The following ZNF385D variants were observed in gnomAD, a reference collection of about 807,000 sequenced individuals.
The protein encoded by ZNF385D is zinc finger protein 659.
ZNF385D carries 15 observed loss-of-function variants against 35.8 expected under a neutral mutation model. The ratio of observed to expected loss-of-function variants is 0.42; its 90% CI spans 0.28 to 0.64. ZNF385D has a LOEUF of 0.64. Among genes scored for constraint, ZNF385D ranks in the 30% least tolerant of loss-of-function variants. The pLI is 0.23. For synonymous variants in ZNF385D, 212 were observed against 186.8 expected, an observed-to-expected ratio of 1.13 and a Z score of -1.10; for missense variants, 474 against 494.6, an observed-to-expected ratio of 0.96 and a Z score of 0.39.
intron 3 of ZNF385D, among the ~76,000 whole-genome samples, chr3:21,979,102 T>C (rs1694249254): frequency 6.6e-6 from 1 of 152,148 alleles, no homozygotes; most frequent in South Asian, 2.1e-4. Flanking sequence ...TGCCAATTTT[T>C]TTTCAATGGT....
Position 21,778,610 on chromosome 3 carries a change from C to G in ZNF385D, c.326-113582G>C, listed in dbSNP as rs1298761610. 2.0e-5 allele frequency among the ~76,000 whole-genome samples: 3 copies of G among 152,020 alleles called. No individual in the cohort carries two copies. In the East Asian group the frequency reaches 5.8e-4, roughly 30 times the overall value. ...AATATACACATATATATATACCTGTCTCAACTGAGGCAGAAAAATCACATC... is the reference window on the plus strand; with the variant it reads ...AATATACACATATATATATACCTGTGTCAACTGAGGCAGAAAAATCACATC... On this transcript the variant is annotated intron_variant, in intron 3 of 5. Coordinates refer to the ZNF385D transcript ENST00000494108.
intron 3 of ZNF385D, among the ~76,000 whole-genome samples, chr3:22,096,973 T>C (rs1189398772): frequency 6.6e-6 from 1 of 152,054 alleles, no homozygotes; most frequent in African/African-American, 2.4e-5. Context: ...TCCTATCTCT[T>C]AGGATATTCA....
intron 1 of ZNF385D, among the ~76,000 whole-genome samples, chr3:21,725,202 T>G (rs997752240): frequency 1.6e-4 from 24 of 152,094 alleles, no homozygotes; most frequent in African/African-American, 5.8e-4. Flanking sequence ...GGGAAATTTA[T>G]AGCACTAGAA....
At chr3:22,147,133 T>G (rs543371202) in intron 3 of ZNF385D, among the ~76,000 whole-genome samples, 1 of 152,292 alleles carries the variant, frequency 6.6e-6, no homozygotes, top group South Asian at 2.1e-4. Flanking sequence ...AATAAATAAT[T>G]TAGAACAAGT....
intron 3 of ZNF385D, among the ~76,000 whole-genome samples, chr3:22,105,581 G>T (rs1276602992): frequency 6.6e-6 from 1 of 152,120 alleles, no homozygotes; most frequent in East Asian, 1.9e-4. Flanking sequence ...AAGCCAGAGA[G>T]CTGATGGTGT....
At chr3:21,749,503 T>C (rs2069953996) in intron 1 of ZNF385D, among the ~76,000 whole-genome samples, 1 of 152,232 alleles carries the variant, frequency 6.6e-6, no homozygotes, top group South Asian at 2.1e-4. Flanking sequence ...AGACCTATTA[T>C]CTTTACAAGC....
In ZNF385D at chr3:21,819,678, TTATC is replaced by T. The variant is rs1425354084; in HGVS notation, c.326-154654_326-154651del. ...ATTTATGTGTATTAATTATATATAA[TTATC>T]TATGTGTACGTGTGTATATATATAC... On this transcript the variant is annotated intron_variant, in intron 3 of 5. Coordinates refer to the ZNF385D transcript ENST00000494108. 9.5e-5 allele frequency among the ~76,000 whole-genome samples: 14 copies of T among 146,602 alleles called. No homozygotes were observed. In the South Asian group the frequency reaches 1.3e-3, roughly 13 times the overall value.
At chr3:21,723,893 C>A (rs1356627256) in intron 1 of ZNF385D, among the ~76,000 whole-genome samples, 1 of 151,978 alleles carries the variant, frequency 6.6e-6, no homozygotes, top group Non-Finnish European at 1.5e-5. Context: ...TTAAGGGCAG[C>A]CAGAGAGAAA....
At chr3:21,453,425 A>T (rs1702591890) in intron 4 of ZNF385D, among the ~76,000 whole-genome samples, 1 of 152,020 alleles carries the variant, frequency 6.6e-6, no homozygotes, top group South Asian at 2.1e-4. Context: ...AAAAAGTGAG[A>T]AAACAATCCA....
chr3:21,665,809 G>A (rs1204173773), intron 1 of ZNF385D, among the ~76,000 whole-genome samples: 1 of 152,182 alleles, frequency 6.6e-6, no homozygotes, highest in Non-Finnish European at 1.5e-5. Context: ...CCACACTCAG[G>A]AGCTGGAAGG....
intron 3 of ZNF385D, among the ~76,000 whole-genome samples, chr3:22,166,213 T>C (rs1446874135): frequency 1.6e-5 from 2 of 127,712 alleles, no homozygotes; most frequent in Non-Finnish European, 1.9e-5. Flanking sequence ...TAATGAGAGG[T>C]CACTGAAAAT....
At chr3:21,710,183 A>G (rs2068048873) in intron 1 of ZNF385D, among the ~76,000 whole-genome samples, 1 of 152,182 alleles carries the variant, frequency 6.6e-6, no homozygotes, top group Non-Finnish European at 1.5e-5. Flanking sequence ...TTTGGGGGAG[A>G]AAATGGAACA....
chr3:22,316,074 C>G (rs994028440), intron 2 of ZNF385D, among the ~76,000 whole-genome samples: 3 of 152,194 alleles, frequency 2.0e-5, no homozygotes, highest in African/African-American at 7.2e-5. Context: ...TGACAACTCA[C>G]TGACCCCACC....
intron 3 of ZNF385D, among the ~76,000 whole-genome samples, chr3:22,145,402 T>C (rs1704787711): frequency 6.6e-6 from 1 of 152,226 alleles, no homozygotes; most frequent in Non-Finnish European, 1.5e-5. Context: ...AAGTTTCTTC[T>C]CTTTGAAGAA....
At chr3:21,755,654 G>C (rs751699777), upstream of ZNF385D, among the ~76,000 whole-genome samples, 3 of 152,144 alleles carry the variant, frequency 2.0e-5, no homozygotes, top group Non-Finnish European at 4.4e-5. Flanking sequence ...TTTAAACTTA[G>C]TGTGGGAATT....
At chr3:22,245,467 A>G (rs181184717) in intron 2 of ZNF385D, among the ~76,000 whole-genome samples, 1 of 135,424 alleles carries the variant, frequency 7.4e-6, no homozygotes, top group Admixed American at 7.5e-5. Context: ...CTTCTCAAAG[A>G]CAGGATAAGC....
chr3:21,936,836 T>A (rs1008227149), intron 3 of ZNF385D, among the ~76,000 whole-genome samples: 1 of 152,176 alleles, frequency 6.6e-6, no homozygotes, highest in Non-Finnish European at 1.5e-5. Context: ...AATAAAAGTC[T>A]GTAAACTTCC....
intron 3 of ZNF385D, among the ~76,000 whole-genome samples, chr3:21,812,562 T>A (rs2125711096): frequency 6.6e-6 from 1 of 152,354 alleles, no homozygotes; most frequent in Admixed American, 6.5e-5. Flanking sequence ...CATGCCTGGC[T>A]TGGAGGGTCC....
At chr3:21,497,573 G>A (rs570345193) in intron 4 of ZNF385D, among the ~76,000 whole-genome samples, 4 of 152,166 alleles carry the variant, frequency 2.6e-5, no homozygotes, top group South Asian at 2.1e-4. Context: ...GGCCAGGTGC[G>A]ATGGCTCACA....
Sources: gnomAD v4.1 joint callset for allele counts (sites outside exome capture counted in the v4.1 genomes callset) on GRCh38, gnomAD v4.1.1 for gene constraint, MANE v1.5 for transcripts, NCBI Gene and HGNC (gene_info 2026-07-23, HGNC 2026-07-21) for gene names.